ZNF91: variants seen among roughly 807,000 people sequenced by gnomAD.
ZNF91 encodes the protein zinc finger protein 91.
In ZNF91, 7 loss-of-function variants were observed where a neutral mutation model predicts 12.6. The ratio of observed to expected loss-of-function variants is 0.55; its 90% CI spans 0.31 to 1.04. The LOEUF is 1.04. ZNF91 is among the 50% of genes least tolerant of loss of function. ZNF91 has a pLI of 0.05. For synonymous variants in ZNF91, 453 were observed against 462.6 expected, an observed-to-expected ratio of 0.98 and a Z score of 0.27; for missense variants, 1,217 against 1,385.4, an observed-to-expected ratio of 0.88 and a Z score of 1.93.
At chr19:23,305,600 G>C (rs1234340883) in intron 3 of ZNF91, among the ~76,000 whole-genome samples, 1 of 152,174 alleles carries the variant, frequency 6.6e-6, no homozygotes, top group Non-Finnish European at 1.5e-5. Flanking sequence ...CAGCCAATTA[G>C]TTTAGCCCAG....
chr19:23,378,965 C>T (rs1213724550), intron 1 of ZNF91, among the ~76,000 whole-genome samples: 1 of 152,126 alleles, frequency 6.6e-6, no homozygotes, highest in African/African-American at 2.4e-5. Context: ...TGGGTACCAA[C>T]CAAAGACATC....
downstream of ZNF91, among the ~76,000 whole-genome samples, chr19:23,356,340 T>C (rs1968486506): frequency 6.6e-6 from 1 of 151,552 alleles, no homozygotes; most frequent in South Asian, 2.1e-4. Context: ...TATATATAAA[T>C]ATATAAACAC....
Position 23,378,843 on chromosome 19 carries a change from T to C in ZNF91, c.31-4079A>G, listed in dbSNP as rs1599748356. 2.0e-5 allele frequency among the ~76,000 whole-genome samples: 3 copies of C among 152,304 alleles called. No individual in the cohort carries two copies. In the East Asian group the frequency reaches 5.8e-4, roughly 29 times the overall value. The stretch of plus-strand genomic sequence containing the variant: ...CATGGTAGGGACCATGACTGCTTCA[T>C]CTATTTTTCTAATGACTATATGAAT... On this transcript the variant is annotated intron_variant, in intron 1 of 3. Coordinates refer to ENST00000300619, the MANE Select transcript of ZNF91 (RefSeq NM_003430.4).
intron 1 of ZNF91, among the ~76,000 whole-genome samples, chr19:23,316,501 C>T (rs1314218374): frequency 1.3e-5 from 2 of 152,138 alleles, no homozygotes; most frequent in Non-Finnish European, 2.9e-5. Flanking sequence ...GTAACGTATT[C>T]CTGGCTGAGT....
chr19:23,395,285 C>T, intron 1 of ZNF91, 40 bp downstream of exon 1: 2 of 1,609,700 alleles, frequency 1.2e-6, no homozygotes, highest in South Asian at 2.2e-5. Flanking sequence ...TTCAACGAGC[C>T]CCGTTCCCTC....
intron 1 of ZNF91, chr19:23,325,127 C>CT (rs1349608834): frequency 6.6e-6 from 1 of 151,340 alleles, no homozygotes; most frequent in African/African-American, 2.4e-5. Flanking sequence ...CCACTTTCCA[C>CT]TTTATTACAC....
downstream of ZNF91, chr19:23,337,817 C>T (rs1968045081): frequency 6.6e-6 from 1 of 151,882 alleles, no homozygotes; most frequent in African/African-American, 2.4e-5. Context: ...TTAATAGAAA[C>T]TGAAACAAAA....
chr19:23,359,776 T>A lies in ZNF91; in HGVS notation c.3203A>T (p.His1068Leu). The A allele has an allele frequency of 6.2e-7, 1 of 1,614,116 alleles. No individual in the cohort carries two copies. Among genetic ancestry groups the A allele is most frequent in the Non-Finnish European group, 8.5e-7 (1 of 1,180,010 alleles). The part of the protein sequence containing the change: ...AFISSSTLNG[H>L]KRIHTREKPY... ...TTTCTCTCTAGTATGAATTCTCTTA[T>A]GTCCATTTAGGGTTGAGGATGATAT... Residue 1068 changes from histidine (H) to leucine (L), a missense_variant, in exon 4 of 4, where the codon CAT becomes CTT. Transcript: ENST00000300619.
chr19:23,315,756 G>A (rs1410557569), intron 1 of ZNF91, among the ~76,000 whole-genome samples: 2 of 152,134 alleles, frequency 1.3e-5, no homozygotes, highest in Non-Finnish European at 2.9e-5. Flanking sequence ...CTACCTACCA[G>A]AGACATTGCT....
upstream of ZNF91, among the ~76,000 whole-genome samples, chr19:23,311,798 G>A (rs981079070): frequency 5.9e-5 from 9 of 151,982 alleles, no homozygotes; most frequent in Admixed American, 5.2e-4. Flanking sequence ...CCAACACCTA[G>A]GTGACGTGAC....
chr19:23,366,940 G>T (rs990259814), intron 3 of ZNF91, among the ~76,000 whole-genome samples: 1 of 152,194 alleles, frequency 6.6e-6, no homozygotes, highest in Non-Finnish European at 1.5e-5. Flanking sequence ...AAGGGAATAT[G>T]CAATATTTTT....
At position 23,374,746 on chromosome 19, in the gene ZNF91, C is replaced by T. The variant is rs753797298; in HGVS notation, c.49G>A (p.Asp17Asn). Reference protein sequence around the residue: ...SLEMGLLTFRDVAIEFSPEEW... With the variant: ...SLEMGLLTFRNVAIEFSPEEW... ...TCCGGAGAGAATTCTATGGCCACATCCCTAAATGTCAACAGTCCCTGAAAA... is the reference window on the plus strand; with the variant it reads ...TCCGGAGAGAATTCTATGGCCACATTCCTAAATGTCAACAGTCCCTGAAAA... The change falls in exon 2 of 4, where the codon GAT becomes AAT. Residue 17 changes from aspartate to asparagine, a missense_variant. By Grantham distance (23) the Asp-to-Asn change is conservative. Transcript: ENST00000300619. 2 of 1,611,568 alleles carry T rather than the reference C, an allele frequency of 1.2e-6. No individual in the cohort carries two copies. The highest frequency in any genetic ancestry group is 2.2e-5 in the South Asian group (2 of 91,024).
chr19:23,324,079 CTCCTCCTCCTTCTCT>C (rs1385490015), intron 1 of ZNF91: 3 of 149,632 alleles, frequency 2.0e-5, no homozygotes, highest in Non-Finnish European at 4.4e-5. Context: ...CCTCCTTCTC[CTCCTCCTCCTTCTCT>C]TCCTTTCCTC....
chr19:23,359,092 G>T lies in ZNF91; in HGVS notation c.*311C>A. ...GGTTAGGGCTGAGGACCAGAAAAAG[G>T]ATTTGCCACATTCTTCACATTTGTA... On this transcript the variant is annotated 3_prime_UTR_variant, in exon 4 of 4. Coordinates refer to ENST00000300619, the MANE Select transcript of ZNF91 (RefSeq NM_003430.4). The T allele has an allele frequency of 1.8e-6, 1 of 563,824 alleles. No individual in the cohort carries two copies. The highest frequency in any genetic ancestry group is 1.5e-5 in the South Asian group (1 of 64,986). 34.9% of individuals were successfully genotyped at this position (563,824 alleles called of 1,614,324 possible).
At chr19:23,338,500 T>C (rs1458242763), downstream of ZNF91, 3 of 152,042 alleles carry the variant, frequency 2.0e-5, no homozygotes, top group Non-Finnish European at 2.9e-5. Flanking sequence ...ACTGGGCCTA[T>C]GAAAGATGTT....
intron 3 of ZNF91, among the ~76,000 whole-genome samples, chr19:23,366,985 TAA>T (rs1969042997): frequency 1.3e-5 from 2 of 152,210 alleles, no homozygotes; most frequent in Admixed American, 6.5e-5. Flanking sequence ...CGACACATAC[TAA>T]GTTTTATTAA....
chr19:23,384,504 C>T lies in ZNF91; in HGVS notation c.31-9740G>A, dbSNP rs1015726247. 15 of 975,096 alleles carry T rather than the reference C, an allele frequency of 1.5e-5. No homozygotes were observed. In the African/African-American group the frequency reaches 2.6e-4, roughly 17 times the overall value. The allele number at this position is 975,096 out of a possible 1,614,324, so 60.4% of individuals were successfully genotyped here. ...AAAAAGTTGCCCTTTCTTCCGCTTG[C>T]AAAACAGACATTCTCAAATTCCAAA... On this transcript the variant is annotated intron_variant, in intron 1 of 3. Transcript: ENST00000300619.
At chr19:23,391,454 C>T (rs1294645793) in intron 1 of ZNF91, among the ~76,000 whole-genome samples, 2 of 152,024 alleles carry the variant, frequency 1.3e-5, no homozygotes, top group East Asian at 1.9e-4. Context: ...TTAAACATTC[C>T]CCTCCTACCT....
At chr19:23,369,192 C>A (rs1208245983) in intron 3 of ZNF91, among the ~76,000 whole-genome samples, 1 of 152,126 alleles carries the variant, frequency 6.6e-6, no homozygotes, top group Non-Finnish European at 1.5e-5. Context: ...TGCCTGTAAT[C>A]CCAGCTAGTC....
Sources: allele counts gnomAD v4.1 joint callset (sites outside exome capture counted in the v4.1 genomes callset), GRCh38; gene constraint gnomAD v4.1.1; transcripts MANE v1.5; gene names NCBI Gene and HGNC (gene_info 2026-07-23, HGNC 2026-07-21).